PKD1: variants seen among roughly 807,000 people sequenced by gnomAD.
PKD1 encodes polycystin 1, transient receptor potential channel interacting.
PKD1 carries 81 observed loss-of-function variants against 361.7 expected under a neutral mutation model. The ratio of observed to expected loss-of-function variants is 0.22; its 90% CI spans 0.19 to 0.27. The LOEUF (loss-of-function observed/expected upper bound fraction) is 0.27. Ranked by LOEUF, PKD1 falls within the 10% of genes least tolerant of loss-of-function variation. The pLI, the probability that PKD1 is intolerant of heterozygous loss-of-function variation, is 1.00. For missense variants in PKD1, 6,399 were observed against 6,118.3 expected (o/e 1.05, Z -1.53); for synonymous variants, 3,615 against 2,818.3 (o/e 1.28, Z -8.95).
At position 2,110,500 on chromosome 16, in the gene PKD1, C is replaced by G. The variant is rs1431756794; in HGVS notation, c.4667G>C (p.Ser1556Thr). Residue 1556 changes from serine to threonine, a missense_variant, in exon 15 of 46, where the codon AGC becomes ACC. Physicochemically the swap from Ser to Thr is moderately conservative, Grantham distance 58. Coordinates refer to ENST00000262304, the MANE Select transcript of PKD1 (RefSeq NM_001009944.3). ...CCCATTCAGGGGCACCACCGTGCGGCTTGCATTGACGACGAGCCCCCGCAC... is the reference window on the plus strand; with the variant it reads ...CCCATTCAGGGGCACCACCGTGCGGGTTGCATTGACGACGAGCCCCCGCAC... The part of the protein sequence containing the change: ...RRVRGLVVNA[S>T]RTVVPLNGSV... 3.7e-6 allele frequency: 6 copies of G among 1,612,328 alleles called. No homozygotes were observed. In the Admixed American group the frequency reaches 1.0e-4, roughly 27 times the overall value.
At chr16:2,095,138 G>C (rs971665353) in intron 34 of PKD1, 2 of 151,966 alleles carry the variant, frequency 1.3e-5, no homozygotes, top group Non-Finnish European at 2.9e-5. Flanking sequence ...GGTCAGGCGT[G>C]GTGGCTCACG....
intron 30 of PKD1, chr16:2,098,793 T>C (rs1278880759): frequency 7.7e-5 from 11 of 142,576 alleles, no homozygotes; most frequent in African/African-American, 2.8e-4. Context: ...AAAAATTCTA[T>C]CGTGAAGGCT....
chr16:2,097,263 G>A (rs372071813), intron 33 of PKD1, 22 bp from the exon 34 acceptor site: 37 of 1,601,696 alleles, frequency 2.3e-5, no homozygotes, highest in African/African-American at 4.0e-5. Flanking sequence ...GGAGGCATAG[G>A]GTGGGCCCAG....
intron 38 of PKD1, 111 bp downstream of exon 38, chr16:2,092,843 T>C: frequency 2.2e-6 from 3 of 1,353,498 alleles, no homozygotes; most frequent in Middle Eastern, 1.8e-4. Flanking sequence ...CTACCTCCAG[T>C]TCTAGCAGCC....
intron 1 of PKD1, among the ~76,000 whole-genome samples, chr16:2,123,926 C>A (rs147451716): frequency 1.2e-4 from 19 of 152,174 alleles, no homozygotes; most frequent in Non-Finnish European, 2.2e-4. Flanking sequence ...GGGGGCAGGA[C>A]GGTGCCCCAG....
Position 2,088,973 on chromosome 16 carries a change from A to C in PKD1, c.*754T>G. 1 of 315,618 alleles carries C rather than the reference A, an allele frequency of 3.2e-6. No individual in the cohort carries two copies. Among genetic ancestry groups the C allele is most frequent in the South Asian group, 3.2e-5 (1 of 31,052 alleles). The allele number at this position is 315,618 out of a possible 1,614,324, so 19.6% of individuals were successfully genotyped here. ...TCTAACCACCCTGGGGTCCTCTGAC[A>C]TGCCTAGTCCTGCTACTTGCCCAGA... On this transcript the variant is annotated 3_prime_UTR_variant, in exon 46 of 46. Transcript: ENST00000262304.
In PKD1 at chr16:2,100,905, C is replaced by G. The variant is rs2092069402; in HGVS notation, c.9398-339G>C. On this transcript the variant is annotated intron_variant, in intron 26 of 45. Coordinates refer to ENST00000262304, the MANE Select transcript of PKD1 (RefSeq NM_001009944.3). The surrounding 1 kb of genome is among the most constrained non-coding windows in gnomAD (Gnocchi z 4.4). Reference sequence around the variant, plus strand: ...ACAACCGGTGACCCGCACCACACACCCGTCCCTCAGTTCATGCACAGACTG... The same window carrying G: ...ACAACCGGTGACCCGCACCACACACGCGTCCCTCAGTTCATGCACAGACTG... 6.9e-6 allele frequency: 3 copies of G among 436,752 alleles called. No individual in the cohort carries two copies. The highest frequency in any genetic ancestry group is 4.0e-5 in the African/African-American group (2 of 49,754). The allele number at this position is 436,752 out of a possible 1,614,324, so 27.1% of individuals were successfully genotyped here.
chr16:2,100,652 G>C lies in PKD1; in HGVS notation c.9398-86C>G, dbSNP rs1054122290. The C allele has an allele frequency of 3.9e-5, 48 of 1,230,218 alleles. No homozygotes were observed. In the African/African-American group the frequency reaches 5.4e-4, roughly 14 times the overall value. The allele number at this position is 1,230,218 out of a possible 1,614,324, so 76.2% of individuals were successfully genotyped here. ...AGGCAAGTCATCTCAGCTTTGGCCT[G>C]TGCGCACTCAAGGAGCCACACAGGC... On this transcript the variant is annotated intron_variant, in intron 26 of 45. Transcript: ENST00000262304. The surrounding 1 kb of genome is among the most constrained non-coding windows in gnomAD (Gnocchi z 4.4).
chr16:2,116,400 A>G lies in PKD1; in HGVS notation c.1722+129T>C, dbSNP rs368659349. ...CCTCTCTGCACTCTGGATTTTCCCA[A>G]CCATCTTCACTGGGCACAAGCAACA... On this transcript the variant is annotated intron_variant, in intron 8 of 45. Transcript: ENST00000262304. 226 of 634,464 alleles carry G rather than the reference A, an allele frequency of 3.6e-4. 1 individual carries two copies. Among genetic ancestry groups the G allele is most frequent in the South Asian group, 2.1e-3 (116 of 55,138 alleles). The allele number at this position is 634,464 out of a possible 1,614,324, so 39.3% of individuals were successfully genotyped here.
chr16:2,109,889 A>G lies in PKD1; in HGVS notation c.5278T>C (p.Trp1760Arg), dbSNP rs2092455429. Residue 1760 changes from tryptophan (W) to arginine (R), a missense_variant, in exon 15 of 46, where the codon TGG becomes CGG. Physicochemically the swap from Trp to Arg is moderately radical, Grantham distance 101. Coordinates refer to ENST00000262304, the MANE Select transcript of PKD1 (RefSeq NM_001009944.3). ...GTGGTAAATGGCTCGGAGGTCTCCC[A>G]GCTCAGCCCCTCCTCCAAGGACCAA... ...YTWSLEEGLS[W>R]ETSEPFTTHS... 1.4e-5 allele frequency: 22 copies of G among 1,610,648 alleles called. No homozygotes were observed. The highest frequency in any genetic ancestry group is 1.9e-5 in the Non-Finnish European group (22 of 1,179,816).
chr16:2,089,822 G>A lies in PKD1; in HGVS notation c.12817C>T (p.Arg4273Cys), dbSNP rs144648696. Reference protein sequence around the residue: ...SPGLRPALPSRLARASRGVDL... With the variant: ...SPGLRPALPSCLARASRGVDL... ...ACACCCCGACTGGCCCGGGCAAGGC[G>A]GCTGGGCAGTGCTGGCCGCAGGCCC... Residue 4273 changes from arginine to cysteine, a missense_variant, in exon 46 of 46, where the codon CGC (arginine) becomes TGC (cysteine). By Grantham distance (180) the Arg-to-Cys change is radical. Transcript: ENST00000262304. The A allele has an allele frequency of 4.2e-5, 67 of 1,602,964 alleles. No homozygotes were observed. Among genetic ancestry groups the A allele is most frequent in the East Asian group, 2.5e-4 (11 of 44,526 alleles).
intron 12 of PKD1, 52 bp from the exon 13 acceptor site, chr16:2,113,015 T>C (rs961559291): frequency 6.5e-7 from 1 of 1,536,440 alleles, no homozygotes; most frequent in African/African-American, 1.4e-5. Context: ...GGCCTGGCCC[T>C]GATTGGCGTC....
intron 24 of PKD1, 65 bp from the exon 25 acceptor site, chr16:2,102,698 A>T: frequency 6.2e-7 from 1 of 1,608,844 alleles, no homozygotes; most frequent in Non-Finnish European, 8.5e-7. Context: ...GCAGTCTCAG[A>T]GCCCATACCC....
At chr16:2,125,225 C>A (rs1429035445) in intron 1 of PKD1, among the ~76,000 whole-genome samples, 2 of 152,200 alleles carry the variant, frequency 1.3e-5, no homozygotes, top group African/African-American at 4.8e-5. Flanking sequence ...AACAGTGCAG[C>A]CCCGGGCTGG....
chr16:2,090,864 C>A lies in PKD1; in HGVS notation c.12003+20G>T. 1 of 1,607,004 alleles carries A rather than the reference C, an allele frequency of 6.2e-7. No homozygotes were observed. The highest frequency in any genetic ancestry group is 1.1e-5 in the South Asian group (1 of 91,038). ...CCTGGGGTGTGCGCCCAGCCCCGCG[C>A]CCACCGGCCCAGCCCTCACCTTGAC... On this transcript the variant is annotated intron_variant, in intron 43 of 45. Transcript: ENST00000262304.
At chr16:2,120,281 A>G (rs2092700106) in intron 1 of PKD1, 1 of 174,752 alleles carries the variant, frequency 5.7e-6, no homozygotes, top group Non-Finnish European at 1.2e-5. Flanking sequence ...CTCCATCTAA[A>G]ATACACAACT....
chr16:2,093,368 G>A (rs1274930808), intron 37 of PKD1, 176 bp downstream of exon 37: 3 of 714,944 alleles, frequency 4.2e-6, no homozygotes, highest in Middle Eastern at 3.9e-4. Context: ...GCAGGGACTG[G>A]GGCAGCAAGT....
Position 2,103,932 on chromosome 16 carries a change from G to A in PKD1, c.8162-37C>T, listed in dbSNP as rs9938566. ...CGTGAGGTCAGTGCAGAGACAGGGA[G>A]GTAGAGGGAGGGTGGGGGCAGGCAA... On this transcript the variant is annotated intron_variant, in intron 22 of 45. Transcript: ENST00000262304. 223,402 of 1,439,792 alleles carry A rather than the reference G, an allele frequency of 0.16. 19,449 individuals are homozygous for A. The highest frequency in any genetic ancestry group is 0.3 in the African/African-American group (14,646 of 49,528). The allele number at this position is 1,439,792 out of a possible 1,614,324, so 89.2% of individuals were successfully genotyped here. A position where few individuals can be genotyped will look rare whatever the true frequency, so the allele number is the denominator to read the frequency against.
At position 2,109,526 on chromosome 16, in the gene PKD1, G is replaced by C. The variant is rs533703683; in HGVS notation, c.5641C>G (p.Leu1881Val). The C allele has an allele frequency of 2.5e-6, 4 of 1,611,060 alleles. No homozygotes were observed. In the South Asian group the frequency reaches 4.4e-5, roughly 18 times the overall value. The change falls in exon 15 of 46, where the codon CTC becomes GTC. Residue 1881 changes from leucine (L) to valine (V), a missense_variant. Coordinates refer to ENST00000262304, the MANE Select transcript of PKD1 (RefSeq NM_001009944.3). ...AVSWVSATYN[L>V]TAEEPIVGLV... is the part of the protein sequence containing the mutation. ...CCCACGATGGGCTCCTCCGCCGTGAGGTTGTACGTGGCTGAGACCCAGCTG... is the reference window on the plus strand; with the variant it reads ...CCCACGATGGGCTCCTCCGCCGTGACGTTGTACGTGGCTGAGACCCAGCTG...
Sources: allele counts gnomAD v4.1 joint callset (sites outside exome capture counted in the v4.1 genomes callset), GRCh38; gene constraint gnomAD v4.1.1; non-coding constraint Gnocchi (gnomAD v3.1); transcripts MANE v1.5; gene names NCBI Gene and HGNC (gene_info 2026-07-23, HGNC 2026-07-21).